Variants in NDUFS4 observed in about 807,000 individuals in gnomAD.
NDUFS4 encodes the protein NADH dehydrogenase [ubiquinone] iron-sulfur protein 4, mitochondrial.
In NDUFS4, 28 loss-of-function variants were observed where a neutral mutation model predicts 24.3. The ratio of observed to expected loss-of-function variants is 1.15; its 90% CI spans 0.85 to 1.58. The LOEUF (loss-of-function observed/expected upper bound fraction) is 1.58. NDUFS4 is among the 40% of genes most tolerant of loss of function. NDUFS4 has a pLI of 0.00. For synonymous variants in NDUFS4, 93 were observed against 69.7 expected (o/e 1.34, Z -1.67); for missense variants, 223 against 207.9 (o/e 1.07, Z -0.45).
At chr5:53,680,658 A>G (rs369167433) in intron 4 of NDUFS4, among the ~76,000 whole-genome samples, 1 of 152,152 alleles carries the variant, frequency 6.6e-6, no homozygotes, top group East Asian at 1.9e-4. Flanking sequence ...GAACACATGG[A>G]CACAGGAAGG....
At chr5:53,612,169 G>A (rs1179031601) in intron 2 of NDUFS4, among the ~76,000 whole-genome samples, 2 of 152,028 alleles carry the variant, frequency 1.3e-5, no homozygotes, top group Admixed American at 6.6e-5. Flanking sequence ...TATAAATTAT[G>A]TTGGCTGCTA....
At chr5:53,623,593 T>C (rs1023339282) in intron 2 of NDUFS4, among the ~76,000 whole-genome samples, 2 of 152,226 alleles carry the variant, frequency 1.3e-5, no homozygotes, top group African/African-American at 4.8e-5. Context: ...TTTTGTTGCA[T>C]GTGCTTTTAT....
At chr5:53,662,169 A>C (rs1036771786) in intron 4 of NDUFS4, among the ~76,000 whole-genome samples, 2 of 152,112 alleles carry the variant, frequency 1.3e-5, no homozygotes, top group Admixed American at 6.5e-5. Flanking sequence ...GAGATAAGTC[A>C]CATCAATACC....
chr5:53,569,467 T>C (rs1481806065), intron 1 of NDUFS4, among the ~76,000 whole-genome samples: 1 of 152,150 alleles, frequency 6.6e-6, no homozygotes, highest in African/African-American at 2.4e-5. Flanking sequence ...TCTGGAGTTA[T>C]AGTTCATAGA....
intron 1 of NDUFS4, among the ~76,000 whole-genome samples, chr5:53,561,371 C>G (rs1328995044): frequency 6.6e-6 from 1 of 152,124 alleles, no homozygotes; most frequent in Non-Finnish European, 1.5e-5. Context: ...TAAAGCCTCA[C>G]AATAATTCAG....
chr5:53,597,373 TAGG>T (rs1417128327), intron 1 of NDUFS4, among the ~76,000 whole-genome samples: 2 of 152,204 alleles, frequency 1.3e-5, no homozygotes, highest in Admixed American at 1.3e-4. Flanking sequence ...GCTCCGATTT[TAGG>T]AGAACAGGAT....
rs755025708 is a variant in NDUFS4, at chr5:53,658,638, G to A, written c.424+14G>A. The A allele has an allele frequency of 6.3e-7, 1 of 1,596,928 alleles. No individual in the cohort carries two copies. Among genetic ancestry groups the A allele is most frequent in the Non-Finnish European group, 8.6e-7 (1 of 1,165,024 alleles). On this transcript the variant is annotated intron_variant, in intron 4 of 4. Transcript: ENST00000296684. ...CAGAAAAAAATGGTATGTTTGGTCT[G>A]TTTTTGACAAAGTCAAGATAATGAT...
At chr5:53,663,585 A>T (rs924152405) in intron 4 of NDUFS4, among the ~76,000 whole-genome samples, 1 of 152,194 alleles carries the variant, frequency 6.6e-6, no homozygotes, top group Non-Finnish European at 1.5e-5. Flanking sequence ...ACCATTATGT[A>T]ATGGCCTTCT....
At chr5:53,622,074 TACTC>T (rs1273142563) in intron 2 of NDUFS4, among the ~76,000 whole-genome samples, 1 of 152,316 alleles carries the variant, frequency 6.6e-6, no homozygotes, top group Admixed American at 6.5e-5. Context: ...CTTTTGTACT[TACTC>T]ACAAATTTAT....
At chr5:53,675,699 TTAAC>T (rs1288279226) in intron 4 of NDUFS4, among the ~76,000 whole-genome samples, 1 of 152,188 alleles carries the variant, frequency 6.6e-6, no homozygotes, top group Non-Finnish European at 1.5e-5. Context: ...CCAAAATAGA[TTAAC>T]AAACTAGATT....
intron 3 of NDUFS4, among the ~76,000 whole-genome samples, chr5:53,647,117 C>T (rs1751891387): frequency 6.6e-6 from 1 of 151,030 alleles, no homozygotes; most frequent in African/African-American, 2.4e-5. Context: ...GGGGTAGGAA[C>T]TAGGTCAATT....
intron 2 of NDUFS4, among the ~76,000 whole-genome samples, chr5:53,618,868 C>T (rs1460504091): frequency 6.6e-6 from 1 of 151,988 alleles, no homozygotes. Context: ...AATCCTAGCA[C>T]TTTGGGAGGC....
intron 4 of NDUFS4, among the ~76,000 whole-genome samples, chr5:53,679,291 G>A (rs1489224834): frequency 2.0e-5 from 3 of 152,072 alleles, no homozygotes; most frequent in African/African-American, 7.2e-5. Flanking sequence ...GTGGTCAGTG[G>A]TAATTATATA....
At chr5:53,609,360 G>GC in intron 2 of NDUFS4, among the ~76,000 whole-genome samples, 1 of 152,324 alleles carries the variant, frequency 6.6e-6, no homozygotes, top group South Asian at 2.1e-4. Flanking sequence ...GTGACCAGGT[G>GC]CATGGTCAGT....
At chr5:53,678,013 TTC>T (rs1301411663) in intron 4 of NDUFS4, among the ~76,000 whole-genome samples, 6 of 152,336 alleles carry the variant, frequency 3.9e-5, no homozygotes, top group African/African-American at 1.4e-4. Context: ...AATGAAATGA[TTC>T]TGTATAAAAA....
intron 3 of NDUFS4, among the ~76,000 whole-genome samples, chr5:53,657,137 CAACT>C (rs1338576743): frequency 6.6e-6 from 1 of 152,158 alleles, no homozygotes; most frequent in African/African-American, 2.4e-5. Flanking sequence ...TTCTTATTCT[CAACT>C]AAGCCAATGT....
chr5:53,646,404 A>G lies in NDUFS4; in HGVS notation c.349A>G (p.Thr117Ala), dbSNP rs544297088. The G allele has an allele frequency of 1.9e-6, 3 of 1,613,296 alleles. No individual in the cohort carries two copies. The highest frequency in any genetic ancestry group is 2.2e-5 in the East Asian group (1 of 44,844). ...AAATCCTTTGATGGGTTGGGCATCA[A>G]CGTGAGTACTTTATTTTAATGTGAA... ...WENPLMGWAS[T>A]ADPLSNMVLT... is the part of the protein sequence containing the mutation. The change falls in exon 3 of 5, where the codon ACG (threonine) becomes GCG (alanine). Residue 117 changes from threonine (T) to alanine (A), a missense_variant and splice_region_variant. Transcript: ENST00000296684.
At chr5:53,664,199 A>T (rs1047538857) in intron 4 of NDUFS4, among the ~76,000 whole-genome samples, 11 of 152,300 alleles carry the variant, frequency 7.2e-5, no homozygotes, top group Middle Eastern at 3.4e-3. Context: ...CCAAGAGATC[A>T]GCTGTTAGTC....
intron 2 of NDUFS4, among the ~76,000 whole-genome samples, chr5:53,637,690 A>C (rs555901077): frequency 2.8e-4 from 42 of 152,294 alleles, no homozygotes; most frequent in South Asian, 1.0e-3. Context: ...CAAACAACAA[A>C]AAAAAATTAT....
Sources: allele counts gnomAD v4.1 joint callset (sites outside exome capture counted in the v4.1 genomes callset), GRCh38; gene constraint gnomAD v4.1.1; transcripts MANE v1.5; gene names NCBI Gene and HGNC (gene_info 2026-07-23, HGNC 2026-07-21).